The following AIMP1 variants were observed in gnomAD, a reference collection of about 807,000 sequenced individuals.
AIMP1 encodes aminoacyl tRNA synthase complex-interacting multifunctional protein 1.
In AIMP1, 24 loss-of-function variants were observed where a neutral mutation model predicts 33.1. The ratio of observed to expected loss-of-function variants is 0.73; its 90% CI spans 0.53 to 1.02. AIMP1 has a LOEUF of 1.02. AIMP1 is among the 50% of genes least tolerant of loss of function. The pLI is 0.00. For missense variants in AIMP1, 367 were observed against 364.8 expected (o/e 1.01, Z -0.05); for synonymous variants, 120 against 121.5 (o/e 0.99, Z 0.08).
At chr4:106,318,545 A>T (rs1769077146) in intron 1 of AIMP1, among the ~76,000 whole-genome samples, 1 of 152,220 alleles carries the variant, frequency 6.6e-6, no homozygotes, top group Non-Finnish European at 1.5e-5. Flanking sequence ...ACTATATTCC[A>T]TCAATTCTGA....
At position 106,319,268 on chromosome 4, in the gene AIMP1, G is replaced by A. The variant is rs1664054440; in HGVS notation, c.-26+2674G>A. On this transcript the variant is annotated intron_variant, in intron 1 of 6. Transcript: ENST00000672341. ...ATTTTGCTTTTTCAAAAAGATTGCAGGCAATTTAGATGGTGTGGGTGGGGA... is the reference window on the plus strand; with the variant it reads ...ATTTTGCTTTTTCAAAAAGATTGCAAGCAATTTAGATGGTGTGGGTGGGGA... 2.6e-5 allele frequency among the ~76,000 whole-genome samples: 4 copies of A among 152,258 alleles called. No individual in the cohort carries two copies. The South Asian group carries it at 6.2e-4, about 24-fold the overall frequency.
chr4:106,323,246 T>A (rs1419776783), intron 1 of AIMP1, among the ~76,000 whole-genome samples: 1 of 152,190 alleles, frequency 6.6e-6, no homozygotes, highest in Non-Finnish European at 1.5e-5. Flanking sequence ...GGCTAGGATT[T>A]ATTATCTCTA....
upstream of AIMP1, chr4:106,315,901 C>G (rs193127149): frequency 6.5e-6 from 1 of 153,148 alleles, no homozygotes; most frequent in African/African-American, 2.4e-5. Context: ...CCCACTACGA[C>G]ACGGAAAACT....
chr4:106,324,870 T>C (rs1019096015), intron 1 of AIMP1, 115 bp from the exon 2 acceptor site: 1 of 804,618 alleles, frequency 1.2e-6, no homozygotes, highest in Non-Finnish European at 1.8e-6. Context: ...TTTTCTAAGA[T>C]ATTTATCTAT....
chr4:106,327,653 C>G, intron 3 of AIMP1, 89 bp downstream of exon 3: 1 of 939,240 alleles, frequency 1.1e-6, no homozygotes, highest in East Asian at 2.6e-5. Flanking sequence ...GAATCTGTAT[C>G]TAGGCAACTT....
rs1768910978 is a variant in AIMP1 at position 106,316,572 on chromosome 4, G to A, written c.-48G>A. On this transcript the variant is annotated 5_prime_UTR_variant, in exon 1 of 7. Coordinates refer to ENST00000672341, the MANE Select transcript of AIMP1 (RefSeq NM_001142416.2). ...CATGCTTCCTGCTGTGGCTGTCTCG[G>A]AACCCGTGGTCCTCCGCTTCATGTG... 6.4e-7 allele frequency: 1 copy of A among 1,551,618 alleles called. No homozygotes were observed. The highest frequency in any genetic ancestry group is 8.7e-7 in the Non-Finnish European group (1 of 1,146,966).
chr4:106,327,491 T>C lies in AIMP1; in HGVS notation c.150T>C (p.Val50=), dbSNP rs1769497376. ...ATLREEKKLR[V]ENAKLKKEIE... is the part of the protein sequence containing the mutation. ...TGAGGGAAGAGAAGAAACTTCGAGT[T>C]GAAAATGCTAAACTGAAGAAAGAAA... The change falls in exon 3 of 7, where the codon GTT becomes GTC. Residue 50 remains valine, a synonymous_variant. Transcript: ENST00000672341. The C allele has an allele frequency of 3.7e-6, 6 of 1,612,904 alleles. No homozygotes were observed. The highest frequency in any genetic ancestry group is 1.3e-5 in the African/African-American group (1 of 74,854).
At chr4:106,341,099 GTTAT>G (rs1386542076) in intron 6 of AIMP1, among the ~76,000 whole-genome samples, 6 of 152,038 alleles carry the variant, frequency 3.9e-5, no homozygotes, top group African/African-American at 1.4e-4. Flanking sequence ...TTTTAATGGA[GTTAT>G]TTGTTTTTTG....
chr4:106,316,646 T>C (rs1768920220), intron 1 of AIMP1, 52 bp downstream of exon 1: 3 of 1,530,974 alleles, frequency 2.0e-6, no homozygotes, highest in Middle Eastern at 1.8e-4. Context: ...ATTGCGATCG[T>C]AGGGGTCTTC....
intron 6 of AIMP1, among the ~76,000 whole-genome samples, chr4:106,338,797 G>C: frequency 6.6e-6 from 1 of 152,200 alleles, no homozygotes; most frequent in East Asian, 1.9e-4. Flanking sequence ...AGTGTGCCTG[G>C]AAAAGCTGCA....
At chr4:106,345,833 C>G (rs1191043560) in intron 6 of AIMP1, among the ~76,000 whole-genome samples, 1 of 148,442 alleles carries the variant, frequency 6.7e-6, no homozygotes, top group Non-Finnish European at 1.5e-5. Flanking sequence ...AATAAGATGT[C>G]ATCAGAATAT....
intron 1 of AIMP1, among the ~76,000 whole-genome samples, chr4:106,320,768 C>A (rs1769186696): frequency 6.6e-6 from 1 of 152,126 alleles, no homozygotes; most frequent in Non-Finnish European, 1.5e-5. Context: ...CTCCCTCTCC[C>A]TCTCCGCACC....
rs202168884 is a variant in AIMP1 at position 106,328,127 on chromosome 4, T to C, written c.275T>C (p.Val92Ala). The C allele has an allele frequency of 6.2e-7, 1 of 1,613,612 alleles. No homozygotes were observed. The highest frequency in any genetic ancestry group is 1.3e-5 in the African/African-American group (1 of 75,016). The change falls in exon 4 of 7, where the codon GTT becomes GCT. Residue 92 changes from valine to alanine, a missense_variant. Physicochemically the swap from Val to Ala is moderately conservative, Grantham distance 64. Coordinates refer to ENST00000672341, the MANE Select transcript of AIMP1 (RefSeq NM_001142416.2). ...SGTPLHANSM[V>A]SENVIQSTAV... Reference sequence around the variant, plus strand: ...ACTCCACTGCACGCTAATTCTATGGTTTCTGAAAATGTGATACAGTCTACA... The same window carrying C: ...ACTCCACTGCACGCTAATTCTATGGCTTCTGAAAATGTGATACAGTCTACA...
Position 106,327,472 on chromosome 4 carries a change from A to G in AIMP1, c.131A>G (p.Glu44Gly). Residue 44 changes from glutamate to glycine, a missense_variant, in exon 3 of 7, where the codon GAA becomes GGA. Physicochemically the swap from Glu to Gly is moderately conservative, Grantham distance 98. Transcript: ENST00000672341. ...CTAGTTTTGCAGGCAACTTTGAGGG[A>G]AGAGAAGAAACTTCGAGTTGAAAAT... The part of the protein sequence containing the change: ...EKAILQATLR[E>G]EKKLRVENAK... 1 of 1,612,586 alleles carries G rather than the reference A, an allele frequency of 6.2e-7. No homozygotes were observed. The highest frequency in any genetic ancestry group is 1.7e-4 in the Middle Eastern group (1 of 6,026).
At chr4:106,334,130 C>T (rs1014633524) in intron 5 of AIMP1, among the ~76,000 whole-genome samples, 2 of 152,144 alleles carry the variant, frequency 1.3e-5, no homozygotes, top group African/African-American at 4.8e-5. Context: ...TATTGCTACT[C>T]TGCTGCTTGT....
chr4:106,321,882 A>G (rs939991541), intron 1 of AIMP1, among the ~76,000 whole-genome samples: 2 of 152,106 alleles, frequency 1.3e-5, no homozygotes, highest in Non-Finnish European at 2.9e-5. Flanking sequence ...GATGCTGTTA[A>G]TCTATAACCT....
At chr4:106,331,442 T>C (rs1433616976) in intron 4 of AIMP1, among the ~76,000 whole-genome samples, 1 of 152,194 alleles carries the variant, frequency 6.6e-6, no homozygotes, top group Non-Finnish European at 1.5e-5. Context: ...TTTGCCAACC[T>C]CACACAATGT....
At chr4:106,336,128 G>A (rs560741393) in intron 5 of AIMP1, among the ~76,000 whole-genome samples, 1 of 141,666 alleles carries the variant, frequency 7.1e-6, no homozygotes, top group East Asian at 2.2e-4. Flanking sequence ...CAGCCTCCAG[G>A]CTCAAGCGAT....
At chr4:106,328,443 AAT>A (rs1448698443) in intron 4 of AIMP1, among the ~76,000 whole-genome samples, 200 bp downstream of exon 4, 8 of 152,150 alleles carry the variant, frequency 5.3e-5, no homozygotes, top group African/African-American at 1.9e-4. Context: ...ACGGGGTAAA[AAT>A]GTGGCATTTT....
Sources: gnomAD v4.1 joint callset for allele counts (sites outside exome capture counted in the v4.1 genomes callset) on GRCh38, gnomAD v4.1.1 for gene constraint, MANE v1.5 for transcripts, NCBI Gene and HGNC (gene_info 2026-07-23, HGNC 2026-07-21) for gene names.